Variants in PAX8 observed in about 807,000 individuals in gnomAD.
The protein encoded by PAX8 is paired box protein Pax-8.
A neutral mutation model predicts 52.4 loss-of-function variants in PAX8; 15 were observed. The ratio of observed to expected loss-of-function variants is 0.29; its 90% confidence interval spans 0.19 to 0.44. The LOEUF (loss-of-function observed/expected upper bound fraction) is 0.44, where lower values mean the gene tolerates loss of function less well. PAX8 is among the 20% of genes least tolerant of loss of function. The pLI is 1.00. For synonymous variants in PAX8, 284 were observed against 249.7 expected (o/e 1.14, Z -1.29); for missense variants, 554 against 602.5 (o/e 0.92, Z 0.84).
intron 9 of PAX8, among the ~76,000 whole-genome samples, chr2:113,233,343 A>AC (rs1290644682): frequency 6.6e-6 from 1 of 150,796 alleles, no homozygotes; most frequent in Non-Finnish European, 1.5e-5. Context: ...AAAAAAAAAA[A>AC]AACCCGGGTG....
chr2:113,228,422 T>A (rs1689707566), intron 9 of PAX8, among the ~76,000 whole-genome samples: 1 of 152,246 alleles, frequency 6.6e-6, no homozygotes, highest in South Asian at 2.1e-4. Flanking sequence ...TTACAGAGTT[T>A]CTCAGTCTCA....
At chr2:113,240,763 T>C (rs1690753951) in intron 7 of PAX8, 1 of 153,446 alleles carries the variant, frequency 6.5e-6, no homozygotes, top group South Asian at 2.0e-4. Context: ...ACTATACCAT[T>C]ACTGTCTATT....
intron 10 of PAX8, among the ~76,000 whole-genome samples, chr2:113,220,680 AC>A (rs1465155810): frequency 6.6e-6 from 1 of 151,918 alleles, no homozygotes; most frequent in African/African-American, 2.4e-5. Flanking sequence ...ATATATATGA[AC>A]CTTTTAGCCT....
intron 10 of PAX8, among the ~76,000 whole-genome samples, chr2:113,223,947 A>T (rs1226929272): frequency 6.6e-6 from 1 of 152,202 alleles, no homozygotes; most frequent in Non-Finnish European, 1.5e-5. Context: ...GGAAGGATTG[A>T]TGATGAAAGG....
intron 8 of PAX8, 33 bp downstream of exon 8, chr2:113,236,568 C>T (rs1347012151): frequency 1.9e-6 from 3 of 1,547,368 alleles, no homozygotes; most frequent in African/African-American, 2.7e-5. Flanking sequence ...GTCCCCCGCC[C>T]TCCACCTGCC....
intron 4 of PAX8, 141 bp downstream of exon 4, chr2:113,244,286 G>T: frequency 1.3e-6 from 1 of 754,090 alleles, no homozygotes; most frequent in Non-Finnish European, 2.4e-6. Flanking sequence ...CTGGAGCCAG[G>T]TGTGCTCCCT....
At chr2:113,269,359 G>T (rs1204526670) in intron 2 of PAX8, 1 of 152,270 alleles carries the variant, frequency 6.6e-6, no homozygotes, top group Non-Finnish European at 1.5e-5. Flanking sequence ...TTGTGCTGGG[G>T]TGACTGTTCA....
At chr2:113,252,200 C>T (rs1176632669) in intron 2 of PAX8, among the ~76,000 whole-genome samples, 1 of 152,194 alleles carries the variant, frequency 6.6e-6, no homozygotes, top group Non-Finnish European at 1.5e-5. Context: ...ATAGCTGAGC[C>T]TTGGCAGGGC....
chr2:113,219,865 C>T (rs576942271), intron 11 of PAX8, among the ~76,000 whole-genome samples: 1 of 152,312 alleles, frequency 6.6e-6, no homozygotes, highest in African/African-American at 2.4e-5. Context: ...GCTTGAGAAG[C>T]AGGAGGGAAA....
intron 11 of PAX8, 70 bp downstream of exon 11, chr2:113,220,022 G>T: frequency 8.9e-7 from 1 of 1,126,120 alleles, no homozygotes; most frequent in Non-Finnish European, 1.3e-6. Context: ...GGTAACCTTT[G>T]ACCCACCCTT....
intron 9 of PAX8, among the ~76,000 whole-genome samples, chr2:113,231,536 C>G (rs1472659768): frequency 7.8e-6 from 1 of 128,044 alleles, no homozygotes; most frequent in Admixed American, 7.7e-5. Context: ...GAGAAAAACG[C>G]TATGAAGTAG....
intron 9 of PAX8, chr2:113,230,630 C>T (rs1241552434): frequency 6.6e-6 from 1 of 152,234 alleles, no homozygotes; most frequent in African/African-American, 2.4e-5. Context: ...AGACTTTCTT[C>T]AGCATGGCTC....
chr2:113,259,277 C>G (rs957143815), intron 2 of PAX8: 1 of 152,706 alleles, frequency 6.5e-6, no homozygotes. Context: ...TGATGCTTCC[C>G]CCTCTGTGAA....
chr2:113,267,233 G>A (rs1693141738), intron 2 of PAX8: 1 of 152,406 alleles, frequency 6.6e-6, no homozygotes, highest in African/African-American at 2.4e-5. Context: ...ATTCTTGGGG[G>A]ACCTTGAGGC....
chr2:113,275,503 C>T (rs1346441092), intron 2 of PAX8: 1 of 152,220 alleles, frequency 6.6e-6, no homozygotes, highest in African/African-American at 2.4e-5. Flanking sequence ...GGCTTTAGAT[C>T]TCACATCAGG....
chr2:113,228,282 C>A (rs1329243927), intron 9 of PAX8, among the ~76,000 whole-genome samples: 1 of 152,206 alleles, frequency 6.6e-6, no homozygotes, highest in Non-Finnish European at 1.5e-5. Flanking sequence ...TGACAATACA[C>A]CCTGGTTTGC....
chr2:113,256,732 G>C (rs1480926971), intron 2 of PAX8, among the ~76,000 whole-genome samples: 1 of 151,924 alleles, frequency 6.6e-6, no homozygotes, highest in African/African-American at 2.4e-5. Flanking sequence ...AGTGGGTGAG[G>C]TTCATGTATT....
intron 2 of PAX8, among the ~76,000 whole-genome samples, chr2:113,255,859 G>C (rs937273629): frequency 6.6e-6 from 1 of 152,156 alleles, no homozygotes; most frequent in Non-Finnish European, 1.5e-5. Flanking sequence ...TCAAGCTAGG[G>C]AGGCAGAGGG....
At chr2:113,227,060 G>T (rs1002746983) in intron 10 of PAX8, 95 bp downstream of exon 10, 9 of 1,535,866 alleles carry the variant, frequency 5.9e-6, no homozygotes, top group Non-Finnish European at 7.9e-6. Context: ...GGAAGTCTAT[G>T]AATAGGGCAC....
Sources: gnomAD v4.1 joint callset for allele counts (sites outside exome capture counted in the v4.1 genomes callset) on GRCh38, gnomAD v4.1.1 for gene constraint, MANE v1.5 for transcripts, NCBI Gene and HGNC (gene_info 2026-07-23, HGNC 2026-07-21) for gene names.